Variants in TNRC6A observed in about 807,000 individuals in gnomAD.
TNRC6A encodes trinucleotide repeat containing adaptor 6A.
TNRC6A carries 44 observed loss-of-function variants against 221.2 expected under a neutral mutation model. That is an observed-to-expected ratio of 0.20 (90% CI 0.16 to 0.26). The LOEUF is 0.26. Among genes scored for constraint, TNRC6A ranks in the 10% least tolerant of loss-of-function variants. TNRC6A has a pLI of 1.00. For missense variants in TNRC6A, 2,199 were observed against 2,404.4 expected, an observed-to-expected ratio of 0.91 and a Z score of 1.79; for synonymous variants, 847 against 838.5, an observed-to-expected ratio of 1.01 and a Z score of -0.18.
At chr16:24,752,389 TAGGGG>T (rs2057157690) in intron 3 of TNRC6A, among the ~76,000 whole-genome samples, 1 of 152,116 alleles carries the variant, frequency 6.6e-6, no homozygotes, top group Non-Finnish European at 1.5e-5. Flanking sequence ...CAGCAAGTAT[TAGGGG>T]AGGAGAATTA....
chr16:24,650,455 A>G (rs902377575), intron 2 of TNRC6A, among the ~76,000 whole-genome samples: 2 of 152,076 alleles, frequency 1.3e-5, no homozygotes. Flanking sequence ...ACTTGAGGAC[A>G]GGAGTTTGAG....
Position 24,789,775 on chromosome 16 carries a change from T to C in TNRC6A, c.1133T>C (p.Leu378Pro), listed in dbSNP as rs1444408541. The C allele has an allele frequency of 6.2e-7, 1 of 1,614,172 alleles. No homozygotes were observed. Among genetic ancestry groups the C allele is most frequent in the South Asian group, 1.1e-5 (1 of 91,078 alleles). ...TGGCCAGTATTAGAGAACAATGGAC[T>C]TGCCCTAAAAGGGCCTGTAGGGAGT... ...GAWPVLENNG[L>P]ALKGPVGSGS... Residue 378 changes from leucine to proline, a missense_variant, in exon 6 of 25, where the codon CTT (leucine) becomes CCT (proline). This residue lies in a region of TNRC6A where 1,405 missense variants were observed against 1,400.2 expected (regional missense o/e 1.00). Transcript: ENST00000395799.
chr16:24,745,545 A>T (rs1217454077), intron 2 of TNRC6A, among the ~76,000 whole-genome samples: 2 of 152,154 alleles, frequency 1.3e-5, no homozygotes, highest in Non-Finnish European at 2.9e-5. Context: ...CTATGTGAGG[A>T]TGAGCTAGCT....
chr16:24,623,477 G>A (rs574764937), intron 1 of TNRC6A, among the ~76,000 whole-genome samples: 2 of 152,204 alleles, frequency 1.3e-5, no homozygotes, highest in Admixed American at 1.3e-4. Context: ...GATCAGGCTG[G>A]GTCATTCTTC....
chr16:24,784,314 T>G (rs1349265970), intron 5 of TNRC6A, among the ~76,000 whole-genome samples: 1 of 152,100 alleles, frequency 6.6e-6, no homozygotes, highest in African/African-American at 2.4e-5. Context: ...CACTTTTTAT[T>G]GATTTTTATT....
chr16:24,754,773 C>T (rs972464274), intron 3 of TNRC6A, among the ~76,000 whole-genome samples: 4 of 152,022 alleles, frequency 2.6e-5, no homozygotes, highest in African/African-American at 9.7e-5. Context: ...AGCATATAAT[C>T]GTTGAAGGCC....
At chr16:24,720,561 G>A (rs1213211047) in intron 2 of TNRC6A, among the ~76,000 whole-genome samples, 2 of 146,190 alleles carry the variant, frequency 1.4e-5, no homozygotes, top group Admixed American at 1.4e-4. Context: ...CATGGTGGCA[G>A]GCTCCTGTAA....
intron 1 of TNRC6A, among the ~76,000 whole-genome samples, chr16:24,625,890 C>A (rs1179190467): frequency 6.6e-6 from 1 of 152,060 alleles, no homozygotes; most frequent in African/African-American, 2.4e-5. Flanking sequence ...CTAGCCTGAG[C>A]TAGAGTGTTA....
At chr16:24,705,728 T>C (rs2056082168) in intron 2 of TNRC6A, among the ~76,000 whole-genome samples, 1 of 152,240 alleles carries the variant, frequency 6.6e-6, no homozygotes, top group East Asian at 1.9e-4. Flanking sequence ...CCAGTATTGA[T>C]ATGATAAAAA....
intron 2 of TNRC6A, among the ~76,000 whole-genome samples, chr16:24,709,124 G>A (rs1282658075): frequency 6.6e-6 from 1 of 152,120 alleles, no homozygotes; most frequent in Non-Finnish European, 1.5e-5. Context: ...GGGCGTGGTG[G>A]TGCATGCCTG....
chr16:24,631,783 AC>A lies in TNRC6A; in HGVS notation n.277-9100del, dbSNP rs1474991233. ...CAAGATTCCACCTCAAAAAAAAAAA[AC>A]AACAAAAAAAGAAAAACAGAACATC... On this transcript the variant is annotated intron_variant and non_coding_transcript_variant, in intron 1 of 2. Transcript: ENST00000566108. Among the ~76,000 whole-genome samples the A allele has an allele frequency of 2.0e-5, 3 of 146,902 alleles. No homozygotes were observed. The East Asian group carries it at 6.0e-4, about 29-fold the overall frequency.
intron 17 of TNRC6A, among the ~76,000 whole-genome samples, chr16:24,808,225 T>C (rs574277645): frequency 6.6e-6 from 1 of 152,362 alleles, no homozygotes; most frequent in Non-Finnish European, 1.5e-5. Flanking sequence ...ACACTTGACA[T>C]ATAAATTGGC....
intron 22 of TNRC6A, 22 bp from the exon 23 acceptor site, chr16:24,822,055 T>A: frequency 6.2e-7 from 1 of 1,613,652 alleles, no homozygotes; most frequent in Non-Finnish European, 8.5e-7. Context: ...AAAACTGACT[T>A]GTCCTTTTTT....
At chr16:24,793,421 T>C in intron 6 of TNRC6A, 52 bp from the exon 7 acceptor site, 2 of 1,316,962 alleles carry the variant, frequency 1.5e-6, no homozygotes, top group Non-Finnish European at 2.0e-6. Context: ...CTTATTCCAC[T>C]GCACCTCCTT....
chr16:24,653,110 C>A (rs983498053), intron 2 of TNRC6A, among the ~76,000 whole-genome samples: 1 of 152,136 alleles, frequency 6.6e-6, no homozygotes, highest in Non-Finnish European at 1.5e-5. Flanking sequence ...ACTATCTAAG[C>A]AGAAGTTGTG....
chr16:24,732,760 A>G (rs542144476), intron 2 of TNRC6A, among the ~76,000 whole-genome samples: 4 of 152,300 alleles, frequency 2.6e-5, no homozygotes, highest in Admixed American at 2.0e-4. Context: ...CAGCATCCGC[A>G]GTAGCACTCC....
chr16:24,723,318 G>C (rs1032208916), intron 2 of TNRC6A, among the ~76,000 whole-genome samples: 3 of 152,174 alleles, frequency 2.0e-5, no homozygotes, highest in African/African-American at 7.2e-5. Context: ...TGGTGGCAGG[G>C]CGCAGTGGCT....
chr16:24,618,553 A>G (rs1297325615), intron 1 of TNRC6A, among the ~76,000 whole-genome samples: 1 of 152,142 alleles, frequency 6.6e-6, no homozygotes, highest in Non-Finnish European at 1.5e-5. Context: ...CAAGTACACA[A>G]GATGATCTAT....
Position 24,824,083 on chromosome 16 carries a change from A to T in TNRC6A, c.*276A>T. 2 of 196,674 alleles carry T rather than the reference A, an allele frequency of 1.0e-5. No homozygotes were observed. The highest frequency in any genetic ancestry group is 9.8e-6 in the Non-Finnish European group (1 of 101,822). The allele number at this position is 196,674 out of a possible 1,614,324, so 12.2% of individuals were successfully genotyped here. A position where few individuals can be genotyped will look rare whatever the true frequency, so the allele number is the denominator to read the frequency against. ...TCGCTTGTGTCTATTCATCATGTTTAGCCTTTGGATTCTTTTTTTTTTTTT... is the reference window on the plus strand; with the variant it reads ...TCGCTTGTGTCTATTCATCATGTTTTGCCTTTGGATTCTTTTTTTTTTTTT... On this transcript the variant is annotated 3_prime_UTR_variant, in exon 25 of 25. Coordinates refer to ENST00000395799, the MANE Select transcript of TNRC6A (RefSeq NM_014494.4).
Sources: gnomAD v4.1 joint callset for allele counts (sites outside exome capture counted in the v4.1 genomes callset) on GRCh38, gnomAD v4.1.1 for gene constraint, gnomAD v4.1.1 regional missense constraint, MANE v1.5 for transcripts, NCBI Gene and HGNC (gene_info 2026-07-23, HGNC 2026-07-21) for gene names.